The following GIT2 variants were observed in gnomAD, a reference collection of about 807,000 sequenced individuals.
The protein encoded by GIT2 is GIT ArfGAP 2, also known as ARF GTPase-activating protein GIT2.
A neutral mutation model predicts 100.3 loss-of-function variants in GIT2; 32 were observed. The ratio of observed to expected loss-of-function variants is 0.32; its 90% confidence interval spans 0.24 to 0.43. The LOEUF is 0.43. Ranked by LOEUF, GIT2 falls within the 20% of genes least tolerant of loss-of-function variation. The pLI, the probability that GIT2 is intolerant of heterozygous loss-of-function variation, is 1.00. For missense variants in GIT2, 737 were observed against 975.1 expected, an observed-to-expected ratio of 0.76 and a Z score of 3.25; for synonymous variants, 353 against 364.1, an observed-to-expected ratio of 0.97 and a Z score of 0.35.
At position 109,930,448 on chromosome 12, in the gene GIT2, G is replaced by A. The variant is rs1871448598; in HGVS notation, c.*2530C>T. The A allele has an allele frequency of 6.5e-6, 1 of 152,754 alleles. No homozygotes were observed. The highest frequency in any genetic ancestry group is 2.4e-5 in the African/African-American group (1 of 41,474). 9.5% of individuals were successfully genotyped at this position (152,754 alleles called of 1,614,324 possible). On this transcript the variant is annotated 3_prime_UTR_variant, in exon 20 of 20. Coordinates refer to ENST00000355312, the MANE Select transcript of GIT2 (RefSeq NM_057169.5). Reference sequence around the variant, plus strand: ...AAGGTACGGAATCCATGTGCAAAAGGTGGCTGGAACAAATGTTCAGATAAG... The same window carrying A: ...AAGGTACGGAATCCATGTGCAAAAGATGGCTGGAACAAATGTTCAGATAAG...
At position 109,947,432 on chromosome 12, in the gene GIT2, C is replaced by G. The variant is rs769441398; in HGVS notation, c.1465G>C (p.Gly489Arg). 9.3e-6 allele frequency: 15 copies of G among 1,613,684 alleles called. No individual in the cohort carries two copies. The highest frequency in any genetic ancestry group is 1.6e-4 in the Middle Eastern group (1 of 6,084). The change falls in exon 15 of 20, where the codon GGT becomes CGT. Residue 489 changes from glycine (G) to arginine (R), a missense_variant. Physicochemically the swap from Gly to Arg is moderately radical, Grantham distance 125. This residue lies in a region of GIT2 where 451 missense variants were observed against 543.7 expected (regional missense o/e 0.83). Coordinates refer to ENST00000355312, the MANE Select transcript of GIT2 (RefSeq NM_057169.5). The surrounding 1 kb of genome is among the most constrained non-coding windows in gnomAD (Gnocchi z 4.3). ...ATTNVYQVQT[G>R]SEYTDTSNHS... The stretch of plus-strand genomic sequence containing the variant: ...TTGGAAGTGTCTGTGTACTCAGAAC[C>G]AGTTTGCACCTGATATACATTGGTT...
At chr12:109,997,500 T>C (rs1464250873), upstream of GIT2, 1 of 152,240 alleles carries the variant, frequency 6.6e-6, no homozygotes, top group Non-Finnish European at 1.5e-5. Context: ...TAGTCCACGA[T>C]TTGTTTTTGT....
chr12:109,994,874 T>G (rs1426878682), intron 1 of GIT2, among the ~76,000 whole-genome samples: 1 of 152,224 alleles, frequency 6.6e-6, no homozygotes, highest in African/African-American at 2.4e-5. Flanking sequence ...TAACTCACAC[T>G]AACTTGGTTT....
chr12:109,957,076 A>G (rs1423677118), intron 12 of GIT2, among the ~76,000 whole-genome samples: 4 of 152,090 alleles, frequency 2.6e-5, no homozygotes, highest in Non-Finnish European at 4.4e-5. Flanking sequence ...AATTACTACT[A>G]TAGTATAAAT....
Position 109,985,865 on chromosome 12 carries a change from A to AACAC in GIT2, c.406-2175_406-2172dup, listed in dbSNP as rs113961818. 9.4e-5 allele frequency among the ~76,000 whole-genome samples: 14 copies of AACAC among 149,296 alleles called. No homozygotes were observed. The South Asian group carries it at 1.1e-3, about 11-fold the overall frequency. ...CTCTATCTAAAAAAAACAAAAACAA[A>AACAC]ACACACACACACACACACTAGCCAG... On this transcript the variant is annotated intron_variant, in intron 4 of 19. Coordinates refer to ENST00000355312, the MANE Select transcript of GIT2 (RefSeq NM_057169.5).
At chr12:109,991,309 CA>C (rs748628189) in intron 2 of GIT2, among the ~76,000 whole-genome samples, 150 of 76,546 alleles carry the variant, frequency 2.0e-3, no homozygotes, top group Admixed American at 2.6e-3. Flanking sequence ...GAGTCCGTCT[CA>C]AAAAAAAAAA....
chr12:109,990,443 G>A lies in GIT2; in HGVS notation c.187-641C>T, dbSNP rs545529382. On this transcript the variant is annotated intron_variant, in intron 2 of 19. Transcript: ENST00000355312. The stretch of plus-strand genomic sequence containing the variant: ...CAGCCCCTTTCACATGAGCGTGAGC[G>A]GTTAGAAACTTCTAAGCAAAAGTTA... 2.6e-4 allele frequency among the ~76,000 whole-genome samples: 39 copies of A among 152,278 alleles called. 1 individual carries two copies. In the South Asian group the frequency reaches 7.9e-3, roughly 31 times the overall value.
chr12:109,951,371 C>CT, intron 13 of GIT2, 55 bp from the exon 14 acceptor site: 1 of 1,410,914 alleles, frequency 7.1e-7, no homozygotes, highest in South Asian at 1.2e-5. Flanking sequence ...ACATTAAAGA[C>CT]TAACAGCTCA....
chr12:109,987,459 A>T (rs1042994646), intron 4 of GIT2, among the ~76,000 whole-genome samples: 1 of 152,052 alleles, frequency 6.6e-6, no homozygotes, highest in African/African-American at 2.4e-5. Flanking sequence ...TCATCTCAAT[A>T]GATGCAGAAA....
chr12:109,959,779 T>C, intron 12 of GIT2, 68 bp downstream of exon 12: 3 of 914,198 alleles, frequency 3.3e-6, no homozygotes, highest in Non-Finnish European at 3.6e-6. Context: ...AATTAGTTTA[T>C]AACTTTAACA....
chr12:109,957,913 C>T (rs1879942054), intron 12 of GIT2, among the ~76,000 whole-genome samples: 1 of 151,972 alleles, frequency 6.6e-6, no homozygotes, highest in Non-Finnish European at 1.5e-5. Context: ...AATCAAAGAG[C>T]AGGTATTTTT....
chr12:109,980,505 A>G (rs1886109757), intron 7 of GIT2, among the ~76,000 whole-genome samples: 2 of 152,206 alleles, frequency 1.3e-5, no homozygotes, highest in South Asian at 2.1e-4. Context: ...GATTTGGGCT[A>G]CAAACCATGG....
chr12:109,998,203 T>C (rs964592975), upstream of GIT2: 2 of 152,230 alleles, frequency 1.3e-5, no homozygotes, highest in African/African-American at 4.8e-5. Context: ...GTGATAAATG[T>C]GTGATGGAGA....
chr12:109,966,512 A>C (rs1417222264), intron 8 of GIT2, among the ~76,000 whole-genome samples: 1 of 148,558 alleles, frequency 6.7e-6, no homozygotes, highest in Non-Finnish European at 1.5e-5. Context: ...CTGTCTCAAA[A>C]AAAAAAAAAA....
chr12:109,994,998 G>C (rs1889079393), intron 1 of GIT2, among the ~76,000 whole-genome samples: 1 of 152,146 alleles, frequency 6.6e-6, no homozygotes, highest in South Asian at 2.1e-4. Context: ...AGTTATCACA[G>C]TTCTATTTAC....
upstream of GIT2, chr12:109,996,437 T>C (rs551078547): frequency 4.4e-5 from 23 of 522,094 alleles, no homozygotes; most frequent in Admixed American, 8.3e-4. Context: ...GCACTCTGCC[T>C]TGTCGCCATC....
At position 109,933,340 on chromosome 12, in the gene GIT2, C is replaced by T; in HGVS notation, c.2068-150G>A. On this transcript the variant is annotated intron_variant, in intron 19 of 19. Transcript: ENST00000355312. The surrounding 1 kb of genome is among the most constrained non-coding windows in gnomAD (Gnocchi z 4.5). ...TTCTCAAAGGGGTGCTTCACACACT[C>T]CAAGCTTTGCAGCCCACAGCGTAAG... The T allele has an allele frequency of 1.7e-6, 1 of 595,894 alleles. No individual in the cohort carries two copies. Among genetic ancestry groups the T allele is most frequent in the South Asian group, 2.0e-5 (1 of 49,234 alleles). The allele number at this position is 595,894 out of a possible 1,614,324, so 36.9% of individuals were successfully genotyped here.
At chr12:109,944,379 T>G (rs752756271) in intron 16 of GIT2, among the ~76,000 whole-genome samples, 4 of 152,098 alleles carry the variant, frequency 2.6e-5, no homozygotes, top group Non-Finnish European at 5.9e-5. Flanking sequence ...ACCCTTCCAT[T>G]AAAAAAGAGA....
In GIT2 at chr12:109,934,280, T is replaced by C. The variant is rs1872375382; in HGVS notation, c.2004-195A>G. 1.7e-6 allele frequency: 1 copy of C among 580,562 alleles called. No homozygotes were observed. Among genetic ancestry groups the C allele is most frequent in the Admixed American group, 3.0e-5 (1 of 33,278 alleles). 36.0% of individuals were successfully genotyped at this position (580,562 alleles called of 1,614,324 possible). On this transcript the variant is annotated intron_variant, in intron 18 of 19. Transcript: ENST00000355312. The surrounding 1 kb of genome is among the most constrained non-coding windows in gnomAD (Gnocchi z 4.5). ...CTCATTGCTTCCTAAAAGTTCAATCTGATGAAAAGTCTCCAGGTATGAAAT... is the reference window on the plus strand; with the variant it reads ...CTCATTGCTTCCTAAAAGTTCAATCCGATGAAAAGTCTCCAGGTATGAAAT...
Sources: allele counts gnomAD v4.1 joint callset (sites outside exome capture counted in the v4.1 genomes callset), GRCh38; gene constraint gnomAD v4.1.1; regional missense constraint gnomAD v4.1.1; non-coding constraint Gnocchi (gnomAD v3.1); transcripts MANE v1.5; gene names NCBI Gene and HGNC (gene_info 2026-07-23, HGNC 2026-07-21).